The following NOS1AP variants were observed in gnomAD, a reference collection of about 807,000 sequenced individuals.
The protein encoded by NOS1AP is nitric oxide synthase 1 adaptor protein.
Under a neutral mutation model 56.2 loss-of-function variants are expected in NOS1AP, and 21 were observed. The observed-to-expected ratio is 0.37, with a 90% CI of 0.26 to 0.54. The LOEUF (loss-of-function observed/expected upper bound fraction) is 0.54. Among genes scored for constraint, NOS1AP ranks in the 20% least tolerant of loss-of-function variants. NOS1AP has a pLI of 0.84. For synonymous variants in NOS1AP, 270 were observed against 274.6 expected, an observed-to-expected ratio of 0.98 and a Z score of 0.17; for missense variants, 522 against 657.8, an observed-to-expected ratio of 0.79 and a Z score of 2.26.
At chr1:162,319,482 T>G (rs746718940) in intron 4 of NOS1AP, among the ~76,000 whole-genome samples, 21 of 152,134 alleles carry the variant, frequency 1.4e-4, no homozygotes, top group Non-Finnish European at 2.5e-4. Flanking sequence ...GGCCCTGACC[T>G]CCTTCTGTCC....
intron 8 of NOS1AP, among the ~76,000 whole-genome samples, chr1:162,357,343 T>C (rs1379140748): frequency 6.6e-6 from 1 of 152,170 alleles, no homozygotes; most frequent in Admixed American, 6.5e-5. Flanking sequence ...CATTTTGGTT[T>C]CCCATGTATC....
At chr1:162,307,833 A>C (rs1274070567) in intron 4 of NOS1AP, among the ~76,000 whole-genome samples, 1 of 151,988 alleles carries the variant, frequency 6.6e-6, no homozygotes, top group East Asian at 1.9e-4. Context: ...AAAAAAAAAG[A>C]ATTAGAAGTC....
At chr1:162,342,860 A>G (rs923299172) in intron 5 of NOS1AP, among the ~76,000 whole-genome samples, 1 of 152,300 alleles carries the variant, frequency 6.6e-6, no homozygotes, top group Admixed American at 6.5e-5. Context: ...TAGGGTGACA[A>G]TCACAATTAG....
chr1:162,309,745 A>G (rs1418130812), intron 4 of NOS1AP, among the ~76,000 whole-genome samples: 1 of 152,238 alleles, frequency 6.6e-6, no homozygotes, highest in South Asian at 2.1e-4. Context: ...ATGAATTACA[A>G]CTTAATAGTG....
At chr1:162,199,596 G>A (rs991719468) in intron 2 of NOS1AP, among the ~76,000 whole-genome samples, 18 of 40,222 alleles carry the variant, frequency 4.5e-4, no homozygotes, top group Admixed American at 2.2e-3. Flanking sequence ...CATGGATTGC[G>A]TGTGTGTGTG....
chr1:162,300,740 G>A (rs1455815853), intron 4 of NOS1AP, 34 bp downstream of exon 4: 2 of 1,591,972 alleles, frequency 1.3e-6, no homozygotes, highest in Non-Finnish European at 1.7e-6. Flanking sequence ...AGATATCACT[G>A]AGCCCCAGAG....
intron 1 of NOS1AP, among the ~76,000 whole-genome samples, chr1:162,102,836 A>G (rs1647339959): frequency 6.6e-6 from 1 of 151,732 alleles, no homozygotes; most frequent in East Asian, 1.9e-4. Flanking sequence ...TTTCTTCTTT[A>G]TTAGTCTGGC....
chr1:162,134,257 G>A (rs538019851), intron 1 of NOS1AP, among the ~76,000 whole-genome samples: 104 of 152,162 alleles, frequency 6.8e-4, no homozygotes, highest in Admixed American at 1.6e-3. Context: ...TTAGGAGGCC[G>A]AGGCAGACAG....
At chr1:162,166,340 G>T (rs190635133) in intron 2 of NOS1AP, among the ~76,000 whole-genome samples, 1 of 152,376 alleles carries the variant, frequency 6.6e-6, no homozygotes, top group Admixed American at 6.5e-5. Context: ...ATGGCATTCT[G>T]CCTGGCACCT....
chr1:162,287,252 G>A, intron 2 of NOS1AP, 92 bp from the exon 3 acceptor site: 1 of 882,490 alleles, frequency 1.1e-6, no homozygotes, highest in Non-Finnish European at 1.9e-6. Context: ...CCTGTCTGGG[G>A]ACCTTTTTTC....
At chr1:162,236,310 A>C (rs528930525) in intron 2 of NOS1AP, among the ~76,000 whole-genome samples, 1 of 152,336 alleles carries the variant, frequency 6.6e-6, no homozygotes, top group African/African-American at 2.4e-5. Context: ...CACTAATAAC[A>C]AAAACTACCA....
intron 1 of NOS1AP, among the ~76,000 whole-genome samples, chr1:162,140,379 A>T (rs535086985): frequency 1.3e-5 from 2 of 152,254 alleles, no homozygotes; most frequent in South Asian, 2.1e-4. Flanking sequence ...GCTCCCATTT[A>T]TAAGTGAGAA....
At chr1:162,223,948 C>T (rs16858695) in intron 2 of NOS1AP, among the ~76,000 whole-genome samples, 9,821 of 152,178 alleles carry the variant, frequency 0.065, 688 homozygotes, top group East Asian at 0.24. Flanking sequence ...TGCCTGGATA[C>T]GGTGCATGGA....
chr1:162,357,269 C>T (rs1657737118), intron 8 of NOS1AP, 133 bp downstream of exon 8: 1 of 1,466,342 alleles, frequency 6.8e-7, no homozygotes. Flanking sequence ...TGGATCATTG[C>T]TTGTTGGGGA....
At chr1:162,207,740 G>A (rs1405941719) in intron 2 of NOS1AP, among the ~76,000 whole-genome samples, 1 of 152,138 alleles carries the variant, frequency 6.6e-6, no homozygotes, top group African/African-American at 2.4e-5. Flanking sequence ...TACGGTCTCA[G>A]TCCCATAAAA....
chr1:162,252,099 G>A (rs934894618), intron 2 of NOS1AP, among the ~76,000 whole-genome samples: 1 of 151,902 alleles, frequency 6.6e-6, no homozygotes, highest in African/African-American at 2.4e-5. Flanking sequence ...GAATGCAGTG[G>A]TGCAATCTTG....
At chr1:162,338,915 G>A (rs11587952) in intron 5 of NOS1AP, among the ~76,000 whole-genome samples, 43,050 of 152,068 alleles carry the variant, frequency 0.28, 6,444 homozygotes, top group East Asian at 0.53. Flanking sequence ...ACTCCTGCTA[G>A]GTATGAAGTT....
At chr1:162,308,958 T>C (rs982778193) in intron 4 of NOS1AP, among the ~76,000 whole-genome samples, 1 of 152,226 alleles carries the variant, frequency 6.6e-6, no homozygotes, top group Admixed American at 6.5e-5. Context: ...TGCTGCATGG[T>C]TAGAGAGCTG....
At chr1:162,317,912 T>G (rs1656282634) in intron 4 of NOS1AP, 1 of 152,212 alleles carries the variant, frequency 6.6e-6, no homozygotes, top group Non-Finnish European at 1.5e-5. Flanking sequence ...GCCCCACTCC[T>G]ACTTCCACAT....
Sources: gnomAD v4.1 joint callset for allele counts (sites outside exome capture counted in the v4.1 genomes callset) on GRCh38, gnomAD v4.1.1 for gene constraint, MANE v1.5 for transcripts, NCBI Gene and HGNC (gene_info 2026-07-23, HGNC 2026-07-21) for gene names.